FUCA2: variants seen among roughly 807,000 people sequenced by gnomAD.
The protein encoded by FUCA2 is alpha-L-fucosidase 2.
In FUCA2, 41 loss-of-function variants were observed where a neutral mutation model predicts 52.6. The ratio of observed to expected loss-of-function variants is 0.78; its 90% CI spans 0.61 to 1.01. FUCA2 has a LOEUF of 1.01. Ranked by LOEUF, FUCA2 falls within the 50% of genes least tolerant of loss-of-function variation. The pLI, the probability that FUCA2 is intolerant of heterozygous loss-of-function variation, is 0.00. For synonymous variants in FUCA2, 211 were observed against 217.3 expected (o/e 0.97, Z 0.26); for missense variants, 507 against 569.5 (o/e 0.89, Z 1.12).
Position 143,511,667 on chromosome 6 carries a change from G to A in FUCA2, c.-33C>T. ...CGCAGGCCGGCTGTCCTCTCTGCAG[G>A]CTCCCGCGGCCTCGGGAGCGCTGTT... On this transcript the variant is annotated 5_prime_UTR_variant, in exon 1 of 7. Coordinates refer to ENST00000002165, the MANE Select transcript of FUCA2 (RefSeq NM_032020.5). This position sits in a 1 kb window ranked among gnomAD's most constrained non-coding sequence, Gnocchi z 6.3. 7.0e-7 allele frequency: 1 copy of A among 1,436,844 alleles called. No individual in the cohort carries two copies. 89.0% of individuals were successfully genotyped at this position (1,436,844 alleles called of 1,614,324 possible).
At position 143,510,909 on chromosome 6, in the gene FUCA2, G is replaced by T. The variant is rs1279687462; in HGVS notation, c.224+502C>A. ...TTAAAAAGTTCCTAGAGCCACACAT[G>T]GGTAACATGTTAACATTAAGTAGCC... On this transcript the variant is annotated intron_variant, in intron 1 of 6. Coordinates refer to ENST00000002165, the MANE Select transcript of FUCA2 (RefSeq NM_032020.5). This position sits in a 1 kb window ranked among gnomAD's most constrained non-coding sequence, Gnocchi z 4.4. Among the ~76,000 whole-genome samples, 1 of 152,130 alleles carries T rather than the reference G, an allele frequency of 6.6e-6. No homozygotes were observed. Among genetic ancestry groups the T allele is most frequent in the Non-Finnish European group, 1.5e-5 (1 of 68,028 alleles).
At position 143,507,429 on chromosome 6, in the gene FUCA2, G is replaced by C. The variant is rs760019321; in HGVS notation, c.225-5C>G. On this transcript the variant is annotated splice_region_variant and splice_polypyrimidine_tract_variant and intron_variant, in intron 1 of 6. Transcript: ENST00000002165. This position sits in a 1 kb window ranked among gnomAD's most constrained non-coding sequence, Gnocchi z 4.5. ...TTTTCCTTTTGCCAATACCACCTAA[G>C]GGGAGGAAAGGAAAGAGTGCATAAA... The C allele has an allele frequency of 1.9e-6, 3 of 1,576,250 alleles. No individual in the cohort carries two copies. The East Asian group carries it at 6.9e-5, about 36-fold the overall frequency.
Position 143,502,115 on chromosome 6 carries a change from AC to A in FUCA2, c.970del (p.Val324Ter), listed in dbSNP as rs771887213. On this transcript the variant is annotated frameshift_variant, in exon 5 of 7. Transcript: ENST00000002165. LOFTEE classifies it high-confidence loss of function. The surrounding 1 kb of genome is among the most constrained non-coding windows in gnomAD (Gnocchi z 4.1). Reference sequence around the variant, plus strand: ...ATTTCCTCCACATGAAACTGTCTCTACAAGTTGCTAAAAAATTAAGAATAAT... The same window carrying A: ...ATTTCCTCCACATGAAACTGTCTCTAAAGTTGCTAAAAAATTAAGAATAAT... ...LTIEELVKQL[V>X]ETVSCGGNLL... The A allele has an allele frequency of 6.3e-7, 1 of 1,592,014 alleles. No individual in the cohort carries two copies. Among genetic ancestry groups the A allele is most frequent in the Non-Finnish European group, 8.5e-7 (1 of 1,171,856 alleles).
At position 143,510,549 on chromosome 6, in the gene FUCA2, G is replaced by A. The variant is rs1398695905; in HGVS notation, c.224+862C>T. ...AGCTACTCAGGAGGCTAAGGCGCGAGAATCGTTTGAACCCGGGCGGCGAAG... is the reference window on the plus strand; with the variant it reads ...AGCTACTCAGGAGGCTAAGGCGCGAAAATCGTTTGAACCCGGGCGGCGAAG... On this transcript the variant is annotated intron_variant, in intron 1 of 6. Coordinates refer to ENST00000002165, the MANE Select transcript of FUCA2 (RefSeq NM_032020.5). The surrounding 1 kb of genome is among the most constrained non-coding windows in gnomAD (Gnocchi z 4.4). Among the ~76,000 whole-genome samples the A allele has an allele frequency of 6.6e-6, 1 of 151,226 alleles. No homozygotes were observed. The highest frequency in any genetic ancestry group is 1.5e-5 in the Non-Finnish European group (1 of 67,960).
chr6:143,496,027 T>C (rs762691322), intron 6 of FUCA2, among the ~76,000 whole-genome samples, 180 bp from the exon 7 acceptor site: 8 of 152,290 alleles, frequency 5.3e-5, no homozygotes, highest in Non-Finnish European at 1.0e-4. Flanking sequence ...CTTGCCTCTA[T>C]ATTCTTGCTT....
In FUCA2 at chr6:143,504,856, C is replaced by A. The variant is rs1780579455; in HGVS notation, c.413-604G>T. The A allele has an allele frequency of 1.3e-5, 2 of 148,568 alleles. No individual in the cohort carries two copies. Among genetic ancestry groups the A allele is most frequent in the Non-Finnish European group, 1.5e-5 (1 of 67,406 alleles). The allele number at this position is 148,568 out of a possible 1,614,324, so 9.2% of individuals were successfully genotyped here. ...CTGATTATTTATTTAACCAGAGGGGCAAAAAAAAACCCCTACTATTCCCAA... is the reference window on the plus strand; with the variant it reads ...CTGATTATTTATTTAACCAGAGGGGAAAAAAAAAACCCCTACTATTCCCAA... On this transcript the variant is annotated intron_variant, in intron 2 of 6. Transcript: ENST00000002165. This position sits in a 1 kb window ranked among gnomAD's most constrained non-coding sequence, Gnocchi z 4.4.
At position 143,503,839 on chromosome 6, in the gene FUCA2, G is replaced by T; in HGVS notation, c.752+74C>A. On this transcript the variant is annotated intron_variant, in intron 3 of 6. Transcript: ENST00000002165. The surrounding 1 kb of genome is among the most constrained non-coding windows in gnomAD (Gnocchi z 4.8). ...TGACTTAAAATGAAATATTTCAAGA[G>T]GTGAAGGAATTAAAATGTTAGAAAT... is the stretch of plus-strand genomic sequence containing the variant. 2 of 1,149,260 alleles carry T rather than the reference G, an allele frequency of 1.7e-6. No individual in the cohort carries two copies. The highest frequency in any genetic ancestry group is 1.5e-5 in the African/African-American group (1 of 64,806). 71.2% of individuals were successfully genotyped at this position (1,149,260 alleles called of 1,614,324 possible). A position where few individuals can be genotyped will look rare whatever the true frequency, so the allele number is the denominator to read the frequency against.
chr6:143,510,622 G>T lies in FUCA2; in HGVS notation c.224+789C>A, dbSNP rs1214236212. Among the ~76,000 whole-genome samples, 1 of 144,938 alleles carries T rather than the reference G, an allele frequency of 6.9e-6. No individual in the cohort carries two copies. Among genetic ancestry groups the T allele is most frequent in the Non-Finnish European group, 1.5e-5 (1 of 67,084 alleles). On this transcript the variant is annotated intron_variant, in intron 1 of 6. Transcript: ENST00000002165. This position sits in a 1 kb window ranked among gnomAD's most constrained non-coding sequence, Gnocchi z 4.4. ...CCACTGCACTCCAGCCTGGGTGACA[G>T]AATGAGACTATGTCTCAAAAAAAAA...
rs1347907496 is a variant in FUCA2 at position 143,503,231 on chromosome 6, T to A, written c.753-666A>T. 1 of 152,498 alleles carries A rather than the reference T, an allele frequency of 6.6e-6. No individual in the cohort carries two copies. The highest frequency in any genetic ancestry group is 1.5e-5 in the Non-Finnish European group (1 of 68,304). The allele number at this position is 152,498 out of a possible 1,614,324, so 9.4% of individuals were successfully genotyped here. A position where few individuals can be genotyped will look rare whatever the true frequency, so the allele number is the denominator to read the frequency against. ...TGCTGTTTTAAGTATCAAGAGTTCT[T>A]CAGAATATTTGTATTTGTGCCCTTT... On this transcript the variant is annotated intron_variant, in intron 3 of 6. Transcript: ENST00000002165. This position sits in a 1 kb window ranked among gnomAD's most constrained non-coding sequence, Gnocchi z 4.8.
At position 143,503,782 on chromosome 6, in the gene FUCA2, T is replaced by C; in HGVS notation, c.752+131A>G. 1.5e-6 allele frequency: 1 copy of C among 668,616 alleles called. No homozygotes were observed. The highest frequency in any genetic ancestry group is 2.5e-6 in the Non-Finnish European group (1 of 399,878). 41.4% of individuals were successfully genotyped at this position (668,616 alleles called of 1,614,324 possible). A position where few individuals can be genotyped will look rare whatever the true frequency, so the allele number is the denominator to read the frequency against. On this transcript the variant is annotated intron_variant, in intron 3 of 6. Transcript: ENST00000002165. The surrounding 1 kb of genome is among the most constrained non-coding windows in gnomAD (Gnocchi z 4.8). The stretch of plus-strand genomic sequence containing the variant: ...ATAGTGATATATCTAATAAGTATTA[T>C]TTACAATGATTTTCTCCCCCCATAC...
At position 143,501,311 on chromosome 6, in the gene FUCA2, A is replaced by G. The variant is rs505481; in HGVS notation, c.1154+621T>C. Among the ~76,000 whole-genome samples, 72,436 of 151,702 alleles carry G rather than the reference A, an allele frequency of 0.48. 18,931 individuals are homozygous for G. Among genetic ancestry groups the G allele is most frequent in the African/African-American group, 0.69 (28,562 of 41,368 alleles). On this transcript the variant is annotated intron_variant, in intron 5 of 6. Transcript: ENST00000002165. The surrounding 1 kb of genome is among the most constrained non-coding windows in gnomAD (Gnocchi z 6.1). ...AATCTTTCGGTTCCTATTTGATCAG[A>G]CAGTACTCAGGTGGCAACTGAAAGC...
In FUCA2 at chr6:143,507,418, A is replaced by G. The variant is rs1780623581; in HGVS notation, c.231T>C (p.Tyr77=). The change falls in exon 2 of 7, where the codon TAT becomes TAC. Residue 77 remains tyrosine, a synonymous_variant. Transcript: ENST00000002165. This position sits in a 1 kb window ranked among gnomAD's most constrained non-coding sequence, Gnocchi z 4.5. The part of the protein sequence containing the change: ...PSFGSEWFWW[Y]WQKEKIPKYV... ...ACTTCGGTATCTTTTCCTTTTGCCAATACCACCTAAGGGGAGGAAAGGAAA... is the reference window on the plus strand; with the variant it reads ...ACTTCGGTATCTTTTCCTTTTGCCAGTACCACCTAAGGGGAGGAAAGGAAA... 1 of 1,593,922 alleles carries G rather than the reference A, an allele frequency of 6.3e-7. No homozygotes were observed. Among genetic ancestry groups the G allele is most frequent in the East Asian group, 2.3e-5 (1 of 44,236 alleles).
chr6:143,495,405 T>G lies in FUCA2; in HGVS notation c.*302A>C, dbSNP rs1185445687. 3.9e-6 allele frequency: 1 copy of G among 257,840 alleles called. No homozygotes were observed. Among genetic ancestry groups the G allele is most frequent in the Non-Finnish European group, 7.3e-6 (1 of 136,386 alleles). 16.0% of individuals were successfully genotyped at this position (257,840 alleles called of 1,614,324 possible). ...GGGATATGGCTTCAACATAAAATTT[T>G]CAGTTCGGTCCATAATACCACCAAT... On this transcript the variant is annotated 3_prime_UTR_variant, in exon 7 of 7. Coordinates refer to ENST00000002165, the MANE Select transcript of FUCA2 (RefSeq NM_032020.5). The surrounding 1 kb of genome is among the most constrained non-coding windows in gnomAD (Gnocchi z 5.2).
At position 143,504,180 on chromosome 6, in the gene FUCA2, A is replaced by G. The variant is rs1780568683; in HGVS notation, c.485T>C (p.Val162Ala). ...CCTAATGGCTACCTCAAGTTCCTTG[A>G]CAATGTCCCTCTTGGGCCCCTCATC... ...AIDEGPKRDI[V>A]KELEVAIRNR... Residue 162 changes from valine (V) to alanine (A), a missense_variant, in exon 3 of 7, where the codon GTC becomes GCC. Physicochemically the swap from Val to Ala is moderately conservative, Grantham distance 64 (BLOSUM62 0). Transcript: ENST00000002165. The surrounding 1 kb of genome is among the most constrained non-coding windows in gnomAD (Gnocchi z 4.4). 6.2e-7 allele frequency: 1 copy of G among 1,614,090 alleles called. No homozygotes were observed. The highest frequency in any genetic ancestry group is 8.5e-7 in the Non-Finnish European group (1 of 1,180,038).
At chr6:143,506,266 G>C (rs1430260196) in intron 2 of FUCA2, 1 of 136,414 alleles carries the variant, frequency 7.3e-6, no homozygotes, top group Admixed American at 8.4e-5. Context: ...GCCTATCTCC[G>C]CTCACTGCAG....
In FUCA2 at chr6:143,502,650, A is replaced by G; in HGVS notation, c.753-85T>C. 8.4e-7 allele frequency: 1 copy of G among 1,189,098 alleles called. No homozygotes were observed. Among genetic ancestry groups the G allele is most frequent in the Non-Finnish European group, 1.2e-6 (1 of 836,422 alleles). 73.7% of individuals were successfully genotyped at this position (1,189,098 alleles called of 1,614,324 possible). The stretch of plus-strand genomic sequence containing the variant: ...ATGTCACTGAAAAGACATGTAATTG[A>G]AATACAATTCTGAAAAGGGACCATG... On this transcript the variant is annotated intron_variant, in intron 3 of 6. Transcript: ENST00000002165. The surrounding 1 kb of genome is among the most constrained non-coding windows in gnomAD (Gnocchi z 4.1).
In FUCA2 at chr6:143,510,508, G is replaced by A. The variant is rs181178646; in HGVS notation, c.224+903C>T. 7.8e-4 allele frequency among the ~76,000 whole-genome samples: 118 copies of A among 152,036 alleles called. 5 individuals carry two copies. Among genetic ancestry groups the A allele is most frequent in the Admixed American group, 7.5e-3 (115 of 15,262 alleles). ...AAAAAAATTGGCCAGGCATGGTGGC[G>A]TGCGCCTGTAGTCCCAGCTACTCAG... On this transcript the variant is annotated intron_variant, in intron 1 of 6. Coordinates refer to ENST00000002165, the MANE Select transcript of FUCA2 (RefSeq NM_032020.5). The surrounding 1 kb of genome is among the most constrained non-coding windows in gnomAD (Gnocchi z 4.4).
In FUCA2 at chr6:143,502,255, G is replaced by T; in HGVS notation, c.963+100C>A. On this transcript the variant is annotated intron_variant, in intron 4 of 6. Coordinates refer to ENST00000002165, the MANE Select transcript of FUCA2 (RefSeq NM_032020.5). The surrounding 1 kb of genome is among the most constrained non-coding windows in gnomAD (Gnocchi z 4.1). ...AAGAACAAACACAGGATAGAACAAT[G>T]TCCTATATTTATAGGCCATTGAGCC... The T allele has an allele frequency of 7.3e-7, 1 of 1,364,326 alleles. No individual in the cohort carries two copies. The highest frequency in any genetic ancestry group is 1.0e-6 in the Non-Finnish European group (1 of 982,942). The allele number at this position is 1,364,326 out of a possible 1,614,324, so 84.5% of individuals were successfully genotyped here. A position where few individuals can be genotyped will look rare whatever the true frequency, so the allele number is the denominator to read the frequency against.
chr6:143,508,029 G>T (rs1039210392), intron 1 of FUCA2, among the ~76,000 whole-genome samples: 7 of 152,128 alleles, frequency 4.6e-5, no homozygotes, highest in African/African-American at 1.7e-4. Flanking sequence ...TTTACACATT[G>T]TCCCTTGTAA....
Sources: gnomAD v4.1 joint callset for allele counts (sites outside exome capture counted in the v4.1 genomes callset) on GRCh38, gnomAD v4.1.1 for gene constraint, Gnocchi (gnomAD v3.1) non-coding constraint, MANE v1.5 for transcripts, NCBI Gene and HGNC (gene_info 2026-07-23, HGNC 2026-07-21) for gene names.